RGS5: variants seen among roughly 807,000 people sequenced by gnomAD.
RGS5 encodes regulator of G protein signaling 5.
In RGS5, 20 loss-of-function variants were observed where a neutral mutation model predicts 18.9. That is an observed-to-expected ratio of 1.06 (90% CI 0.74 to 1.54). The LOEUF (loss-of-function observed/expected upper bound fraction) is 1.54, where lower values mean the gene tolerates loss of function less well. Among genes scored for constraint, RGS5 ranks in the 40% most tolerant of loss-of-function variants. The pLI is 0.00. For missense variants in RGS5, 201 were observed against 211.8 expected, an observed-to-expected ratio of 0.95 and a Z score of 0.32; for synonymous variants, 57 against 76.2, an observed-to-expected ratio of 0.75 and a Z score of 1.31.
intron 1 of RGS5, among the ~76,000 whole-genome samples, chr1:163,194,789 T>C (rs1209370436): frequency 6.6e-6 from 1 of 152,172 alleles, no homozygotes; most frequent in Non-Finnish European, 1.5e-5. Flanking sequence ...TTGAAAATAT[T>C]TCGATTCTTA....
chr1:163,192,680 G>A (rs1475747262), intron 1 of RGS5, among the ~76,000 whole-genome samples: 2 of 152,176 alleles, frequency 1.3e-5, no homozygotes, highest in Non-Finnish European at 2.9e-5. Flanking sequence ...GCCTGCACAT[G>A]CATGTGTGTG....
At chr1:163,214,112 T>C (rs552630632) in intron 1 of RGS5, among the ~76,000 whole-genome samples, 1 of 152,276 alleles carries the variant, frequency 6.6e-6, no homozygotes, top group African/African-American at 2.4e-5. Flanking sequence ...GACTAAAGTA[T>C]GATTACTGTT....
chr1:163,195,201 T>A (rs1659514232), intron 1 of RGS5, among the ~76,000 whole-genome samples: 1 of 152,132 alleles, frequency 6.6e-6, no homozygotes, highest in African/African-American at 2.4e-5. Context: ...CATCGACCAG[T>A]GAGTGAGTGG....
At chr1:163,287,116 G>T (rs1571341955) in intron 2 of RGS5, among the ~76,000 whole-genome samples, 1 of 152,124 alleles carries the variant, frequency 6.6e-6, no homozygotes, top group Non-Finnish European at 1.5e-5. Flanking sequence ...TAGTAATATT[G>T]TTCATACTGA....
At chr1:163,316,514 A>T (rs2101653828) in intron 1 of RGS5, among the ~76,000 whole-genome samples, 1 of 152,220 alleles carries the variant, frequency 6.6e-6, no homozygotes, top group East Asian at 1.9e-4. Flanking sequence ...GTGGTGCTTG[A>T]GCACAGGAGT....
chr1:163,180,267 C>T lies in RGS5; in HGVS notation c.45-11899G>A, dbSNP rs776747022. Among the ~76,000 whole-genome samples the T allele has an allele frequency of 5.1e-4, 78 of 152,194 alleles. 1 individual carries two copies. The highest frequency in any genetic ancestry group is 1.1e-3 in the Non-Finnish European group (72 of 68,040). On this transcript the variant is annotated intron_variant, in intron 1 of 4. Coordinates refer to ENST00000313961, the MANE Select transcript of RGS5 (RefSeq NM_003617.4). ...CTGGAATTACAGGTGTGAACCGCTG[C>T]GCCCAGACAAGGAAATCCTGTTAAA...
At chr1:163,162,370 AC>A (rs1015530130) in intron 2 of RGS5, among the ~76,000 whole-genome samples, 3 of 152,148 alleles carry the variant, frequency 2.0e-5, no homozygotes, top group African/African-American at 7.2e-5. Context: ...TCTCTGCCTC[AC>A]CAATACTGCA....
At chr1:163,287,479 T>C (rs1649174418) in intron 2 of RGS5, among the ~76,000 whole-genome samples, 1 of 152,236 alleles carries the variant, frequency 6.6e-6, no homozygotes, top group African/African-American at 2.4e-5. Context: ...AGTAAATTTA[T>C]ACACTGGCAG....
intron 1 of RGS5, among the ~76,000 whole-genome samples, chr1:163,209,900 C>T (rs899917138): frequency 6.6e-6 from 1 of 151,930 alleles, no homozygotes; most frequent in Non-Finnish European, 1.5e-5. Context: ...TGCATTATTC[C>T]TGATATTAGT....
chr1:163,264,016 T>C (rs749098005), intron 2 of RGS5, among the ~76,000 whole-genome samples: 1 of 152,016 alleles, frequency 6.6e-6, no homozygotes, highest in Non-Finnish European at 1.5e-5. Flanking sequence ...GACTGATGTA[T>C]GTATGTAAGC....
chr1:163,287,374 A>G (rs2999863), intron 2 of RGS5, among the ~76,000 whole-genome samples: 100,049 of 152,078 alleles, frequency 0.66, 35,143 homozygotes, highest in East Asian at 0.84. Context: ...CCCCACCCCT[A>G]CTACTCATGC....
At chr1:163,315,164 G>T (rs918088697) in intron 1 of RGS5, among the ~76,000 whole-genome samples, 1 of 152,076 alleles carries the variant, frequency 6.6e-6, no homozygotes, top group African/African-American at 2.4e-5. Flanking sequence ...ACTACATTAA[G>T]ATCAGTATTT....
chr1:163,301,085 C>T (rs907921848), intron 2 of RGS5, among the ~76,000 whole-genome samples: 2 of 152,038 alleles, frequency 1.3e-5, no homozygotes, highest in Non-Finnish European at 2.9e-5. Context: ...GGTGATAATT[C>T]ATTTTTGAAA....
intron 1 of RGS5, among the ~76,000 whole-genome samples, chr1:163,192,277 A>G (rs2662775): frequency 0.55 from 83,361 of 151,882 alleles, 23,678 homozygotes; most frequent in African/African-American, 0.7. Flanking sequence ...CCCTTAACCT[A>G]TGGGATATGA....
At chr1:163,220,751 A>G (rs910528535), upstream of RGS5, among the ~76,000 whole-genome samples, 2 of 152,146 alleles carry the variant, frequency 1.3e-5, no homozygotes, top group Admixed American at 1.3e-4. Flanking sequence ...GAGATGGGGA[A>G]ATTAACCTGG....
intron 1 of RGS5, among the ~76,000 whole-genome samples, chr1:163,315,976 C>G (rs1037604975): frequency 2.0e-5 from 3 of 152,094 alleles, no homozygotes; most frequent in Non-Finnish European, 2.9e-5. Context: ...TGCAACAGCG[C>G]CACCCAGTGA....
Position 163,309,506 on chromosome 1 carries a change from T to C in RGS5, c.-377-3177A>G, listed in dbSNP as rs527406761. 7.4e-3 allele frequency among the ~76,000 whole-genome samples: 1,130 copies of C among 152,312 alleles called. 16 individuals are homozygous for C. Among genetic ancestry groups the C allele is most frequent in the African/African-American group, 0.026 (1,063 of 41,556 alleles). ...ATTCCATCTAAGGAAACCTTTTTTTTTTTCTTATCCAAAAGAAACAACTCG... is the reference window on the plus strand; with the variant it reads ...ATTCCATCTAAGGAAACCTTTTTTTCTTTCTTATCCAAAAGAAACAACTCG... On this transcript the variant is annotated intron_variant, in intron 1 of 5. Coordinates refer to the RGS5 transcript ENST00000618415.
intron 1 of RGS5, among the ~76,000 whole-genome samples, chr1:163,214,071 C>T (rs1370192922): frequency 6.6e-6 from 1 of 152,090 alleles, no homozygotes; most frequent in African/African-American, 2.4e-5. Context: ...TATTTATTTC[C>T]CTACTTTAGT....
chr1:163,277,818 GATAGATATCACTAAAAC>G (rs1235250327), intron 2 of RGS5, among the ~76,000 whole-genome samples: 1 of 152,056 alleles, frequency 6.6e-6, no homozygotes, highest in Non-Finnish European at 1.5e-5. Flanking sequence ...TCAATGAAAA[GATAGATATCACTAAAAC>G]ACCAATCAGA....
Sources: gnomAD v4.1 joint callset for allele counts (sites outside exome capture counted in the v4.1 genomes callset) on GRCh38, gnomAD v4.1.1 for gene constraint, MANE v1.5 for transcripts, NCBI Gene and HGNC (gene_info 2026-07-23, HGNC 2026-07-21) for gene names.